The following MARCHF8 variants were observed in gnomAD, a reference collection of about 807,000 sequenced individuals.
MARCHF8 encodes the protein E3 ubiquitin-protein ligase MARCHF8.
Under a neutral mutation model 51.6 loss-of-function variants are expected in MARCHF8, and 40 were observed. The observed-to-expected ratio is 0.77, with a 90% CI of 0.60 to 1.01. MARCHF8 has a LOEUF of 1.01. Ranked by LOEUF, MARCHF8 falls within the 50% of genes least tolerant of loss-of-function variation. MARCHF8 has a pLI of 0.00. For synonymous variants in MARCHF8, 263 were observed against 280.3 expected (o/e 0.94, Z 0.62); for missense variants, 685 against 708.6 (o/e 0.97, Z 0.38).
chr10:45,462,110 T>C (rs1012768203), intron 5 of MARCHF8: 1 of 152,226 alleles, frequency 6.6e-6, no homozygotes, highest in African/African-American at 2.4e-5. Flanking sequence ...AGAGGGGTCT[T>C]TTCCAGCAGC....
intron 3 of MARCHF8, among the ~76,000 whole-genome samples, chr10:45,483,162 C>T (rs1439264522): frequency 6.6e-6 from 1 of 152,202 alleles, no homozygotes; most frequent in Non-Finnish European, 1.5e-5. Context: ...AACTGAAAAG[C>T]TTCTGCACAG....
chr10:45,590,836 T>C (rs2044672104), intron 1 of MARCHF8, among the ~76,000 whole-genome samples: 6 of 152,174 alleles, frequency 3.9e-5, no homozygotes, highest in Admixed American at 3.3e-4. Flanking sequence ...CTGTCAGGCC[T>C]GAGCCCAAGC....
chr10:45,461,974 T>G (rs1321498324), intron 5 of MARCHF8: 2 of 152,234 alleles, frequency 1.3e-5, no homozygotes, highest in African/African-American at 4.8e-5. Context: ...CAATTTCATC[T>G]CTTTTTCTTG....
chr10:45,460,334 T>C (rs1367119167), intron 6 of MARCHF8, among the ~76,000 whole-genome samples: 1 of 152,148 alleles, frequency 6.6e-6, no homozygotes, highest in Non-Finnish European at 1.5e-5. Flanking sequence ...GCACTCTGCC[T>C]CCAAATCCTA....
intron 1 of MARCHF8, among the ~76,000 whole-genome samples, chr10:45,584,525 C>G (rs183019087): frequency 1.2e-4 from 18 of 152,108 alleles, no homozygotes; most frequent in African/African-American, 4.1e-4. Flanking sequence ...AACAAGAACT[C>G]CAATGTCTGC....
At chr10:45,591,584 ATAT>A (rs1298087749) in intron 1 of MARCHF8, among the ~76,000 whole-genome samples, 1 of 152,176 alleles carries the variant, frequency 6.6e-6, no homozygotes, top group Admixed American at 6.5e-5. Context: ...GCTATTGGTA[ATAT>A]TCTACTTTTT....
chr10:45,473,439 C>G (rs2042730749), intron 3 of MARCHF8, among the ~76,000 whole-genome samples: 1 of 152,240 alleles, frequency 6.6e-6, no homozygotes, highest in African/African-American at 2.4e-5. Flanking sequence ...CTTCCACTGC[C>G]TTCTCCCTGG....
intron 2 of MARCHF8, among the ~76,000 whole-genome samples, chr10:45,519,889 CA>C (rs34635290): frequency 0.011 from 1,730 of 152,234 alleles, 20 homozygotes; most frequent in Non-Finnish European, 0.014. Flanking sequence ...GCAAAGTCGG[CA>C]AAAGGAGCTC....
At chr10:45,500,929 T>C (rs1387113274) in intron 2 of MARCHF8, among the ~76,000 whole-genome samples, 2 of 151,960 alleles carry the variant, frequency 1.3e-5, no homozygotes, top group Non-Finnish European at 2.9e-5. Flanking sequence ...ATTACTATTA[T>C]AGAGCCACTC....
chr10:45,539,205 C>A (rs983622918), upstream of MARCHF8, among the ~76,000 whole-genome samples: 4 of 152,194 alleles, frequency 2.6e-5, no homozygotes, highest in African/African-American at 9.7e-5. Context: ...GAACAACCTG[C>A]CCCTGAATGA....
intron 2 of MARCHF8, among the ~76,000 whole-genome samples, chr10:45,511,962 G>A (rs1285226416): frequency 6.6e-6 from 1 of 151,334 alleles, no homozygotes; most frequent in African/African-American, 2.4e-5. Flanking sequence ...TAGGAAGTGA[G>A]GAGCGTCTCT....
intron 1 of MARCHF8, among the ~76,000 whole-genome samples, chr10:45,552,057 C>T (rs190584617): frequency 5.3e-5 from 8 of 152,234 alleles, no homozygotes; most frequent in Non-Finnish European, 7.4e-5. Context: ...GTATTCCCTA[C>T]GGTGTTCCAT....
chr10:45,546,413 T>C (rs1206258877), intron 1 of MARCHF8, among the ~76,000 whole-genome samples: 1 of 152,106 alleles, frequency 6.6e-6, no homozygotes, highest in African/African-American at 2.4e-5. Context: ...TCCGCCCGCC[T>C]TGGCCTTCCA....
In MARCHF8 at chr10:45,457,481, T is replaced by G. The variant is rs3824616; in HGVS notation, c.*758A>C. The G allele has an allele frequency of 2.6e-5, 4 of 152,562 alleles. No individual in the cohort carries two copies. In the East Asian group the frequency reaches 7.7e-4, roughly 29 times the overall value. The allele number at this position is 152,562 out of a possible 1,614,324, so 9.5% of individuals were successfully genotyped here. On this transcript the variant is annotated 3_prime_UTR_variant, in exon 8 of 8. Transcript: ENST00000453424. The stretch of plus-strand genomic sequence containing the variant: ...CCTGTCTTAAAAGTCATGAGTCTGT[T>G]TTATGAACAGAAAGAATGCCACGCT...
At chr10:45,503,870 G>A (rs2043329176) in intron 2 of MARCHF8, among the ~76,000 whole-genome samples, 1 of 151,332 alleles carries the variant, frequency 6.6e-6, no homozygotes, top group South Asian at 2.1e-4. Flanking sequence ...GAAGCCAGTA[G>A]CAAAAGATCA....
intron 1 of MARCHF8, among the ~76,000 whole-genome samples, chr10:45,591,598 T>C (rs1437108855): frequency 6.6e-6 from 1 of 152,316 alleles, no homozygotes; most frequent in African/African-American, 2.4e-5. Flanking sequence ...TCTACTTTTT[T>C]CAATACATAC....
chr10:45,539,907 AACAG>A (rs1478239651), upstream of MARCHF8, among the ~76,000 whole-genome samples: 5 of 152,164 alleles, frequency 3.3e-5, no homozygotes, highest in Non-Finnish European at 5.9e-5. Context: ...ACACTCCAAT[AACAG>A]ACAGAGAGCC....
At chr10:45,538,713 A>T (rs1187476718), upstream of MARCHF8, among the ~76,000 whole-genome samples, 1 of 152,212 alleles carries the variant, frequency 6.6e-6, no homozygotes, top group Non-Finnish European at 1.5e-5. Flanking sequence ...ATCAAAGGAG[A>T]CAAAGAAGGC....
intron 1 of MARCHF8, among the ~76,000 whole-genome samples, chr10:45,568,777 T>C (rs563274853): frequency 5.6e-5 from 8 of 143,524 alleles, no homozygotes; most frequent in Non-Finnish European, 1.1e-4. Context: ...TTTAAAAAAA[T>C]TGCAAAACAA....
Sources: gnomAD v4.1 joint callset for allele counts (sites outside exome capture counted in the v4.1 genomes callset) on GRCh38, gnomAD v4.1.1 for gene constraint, MANE v1.5 for transcripts, NCBI Gene and HGNC (gene_info 2026-07-23, HGNC 2026-07-21) for gene names.